KIAA1217: variants seen among roughly 807,000 people sequenced by gnomAD.
KIAA1217 encodes KIAA1217.
A neutral mutation model predicts 163.9 loss-of-function variants in KIAA1217; 88 were observed. That is an observed-to-expected ratio of 0.54 (90% CI 0.45 to 0.64). The LOEUF (loss-of-function observed/expected upper bound fraction) is 0.64, where lower values mean the gene tolerates loss of function less well. Among genes scored for constraint, KIAA1217 ranks in the 30% least tolerant of loss-of-function variants. The pLI is 0.00. For synonymous variants in KIAA1217, 903 were observed against 923.1 expected (o/e 0.98, Z 0.39); for missense variants, 2,372 against 2,475.0 (o/e 0.96, Z 0.88).
intron 2 of KIAA1217, among the ~76,000 whole-genome samples, chr10:24,308,299 G>A (rs940170322): frequency 3.3e-5 from 5 of 152,176 alleles, no homozygotes; most frequent in Admixed American, 6.5e-5. Flanking sequence ...AGGATATACC[G>A]TTCCACATTC....
intron 2 of KIAA1217, among the ~76,000 whole-genome samples, chr10:24,313,530 T>C (rs1456444050): frequency 6.6e-6 from 1 of 152,240 alleles, no homozygotes; most frequent in South Asian, 2.1e-4. Context: ...CTGCCCGGGG[T>C]TAGCGCCAGA....
intron 2 of KIAA1217, among the ~76,000 whole-genome samples, chr10:24,258,728 C>G (rs1164957701): frequency 3.3e-5 from 5 of 151,980 alleles, no homozygotes; most frequent in Admixed American, 2.6e-4. Flanking sequence ...AAGTAGCTGG[C>G]ACTACAGGCG....
At chr10:24,477,267 TGGTTTC>T (rs2064148059) in intron 6 of KIAA1217, among the ~76,000 whole-genome samples, 1 of 152,212 alleles carries the variant, frequency 6.6e-6, no homozygotes, top group Non-Finnish European at 1.5e-5. Context: ...CTATGTGAAG[TGGTTTC>T]TATACATTAT....
At chr10:24,156,810 A>G (rs1281823814) in intron 2 of KIAA1217, among the ~76,000 whole-genome samples, 2 of 152,158 alleles carry the variant, frequency 1.3e-5, no homozygotes, top group South Asian at 2.1e-4. Context: ...TGCAGAAACC[A>G]CATAAAGGCT....
intron 8 of KIAA1217, among the ~76,000 whole-genome samples, chr10:24,498,051 A>G (rs2067037838): frequency 6.6e-6 from 1 of 152,114 alleles, no homozygotes; most frequent in Admixed American, 6.6e-5. Context: ...GAAATAATGA[A>G]TTTGACTTGT....
chr10:24,075,119 T>TACACACACACACACAC (rs71397929), intron 2 of KIAA1217, among the ~76,000 whole-genome samples: 8 of 131,562 alleles, frequency 6.1e-5, no homozygotes, highest in African/African-American at 1.9e-4. Flanking sequence ...TCCCCCTAAA[T>TACACACACACACACAC]ACACACACAC....
At chr10:24,446,207 C>A (rs1398547258) in intron 5 of KIAA1217, among the ~76,000 whole-genome samples, 1 of 152,080 alleles carries the variant, frequency 6.6e-6, no homozygotes, top group Non-Finnish European at 1.5e-5. Context: ...TCATATCCTT[C>A]ACCCACTTGT....
At chr10:23,943,164 G>A (rs1346435074) in intron 1 of KIAA1217, among the ~76,000 whole-genome samples, 1 of 151,944 alleles carries the variant, frequency 6.6e-6, no homozygotes, top group African/African-American at 2.4e-5. Context: ...TTTTATACAT[G>A]TGGAAATATA....
intron 3 of KIAA1217, among the ~76,000 whole-genome samples, chr10:24,397,106 C>CTGT (rs1200787890): frequency 7.2e-6 from 1 of 138,210 alleles, no homozygotes; most frequent in African/African-American, 2.7e-5. Flanking sequence ...ATGTAAGAAA[C>CTGT]TCTTTTTTTT....
intron 2 of KIAA1217, among the ~76,000 whole-genome samples, chr10:24,085,451 C>A (rs1247449919): frequency 6.6e-6 from 1 of 152,100 alleles, no homozygotes; most frequent in East Asian, 1.9e-4. Context: ...ATTTGTCTTG[C>A]CTTCTGGTCT....
chr10:23,697,573 A>T (rs752615118), intron 1 of KIAA1217, among the ~76,000 whole-genome samples: 2 of 152,084 alleles, frequency 1.3e-5, no homozygotes, highest in Non-Finnish European at 2.9e-5. Flanking sequence ...ATAGTTTTTT[A>T]AAAGTGCACA....
At chr10:24,256,191 T>C (rs2075142092) in intron 2 of KIAA1217, among the ~76,000 whole-genome samples, 1 of 151,978 alleles carries the variant, frequency 6.6e-6, no homozygotes, top group African/African-American at 2.4e-5. Flanking sequence ...GCAGATGAGG[T>C]CTGGCATGTC....
At chr10:24,475,456 G>A (rs867211857) in intron 6 of KIAA1217, among the ~76,000 whole-genome samples, 3 of 152,148 alleles carry the variant, frequency 2.0e-5, no homozygotes, top group Admixed American at 6.5e-5. Flanking sequence ...CTTCTTACTT[G>A]TTCAGTTACA....
intron 6 of KIAA1217, among the ~76,000 whole-genome samples, chr10:24,486,985 G>A (rs2065482720): frequency 6.6e-6 from 1 of 152,142 alleles, no homozygotes; most frequent in Non-Finnish European, 1.5e-5. Flanking sequence ...CTGAAAGAAA[G>A]GTCACCGCTG....
intron 1 of KIAA1217, among the ~76,000 whole-genome samples, chr10:23,840,421 T>C (rs556210952): frequency 2.0e-5 from 3 of 152,190 alleles, no homozygotes; most frequent in East Asian, 3.9e-4. Flanking sequence ...TCCTAAAGTG[T>C]TGGGATTACA....
chr10:23,827,144 C>T (rs1307674455), intron 1 of KIAA1217, among the ~76,000 whole-genome samples: 2 of 152,164 alleles, frequency 1.3e-5, no homozygotes, highest in South Asian at 2.1e-4. Flanking sequence ...GACTACACAT[C>T]GGAATCACCT....
At chr10:24,121,917 G>T (rs1589578019) in intron 2 of KIAA1217, among the ~76,000 whole-genome samples, 1 of 152,074 alleles carries the variant, frequency 6.6e-6, no homozygotes, top group Non-Finnish European at 1.5e-5. Flanking sequence ...AACGGGTATG[G>T]GGGTGGGTGT....
chr10:24,260,255 G>A (rs1460640597), intron 2 of KIAA1217, among the ~76,000 whole-genome samples: 2 of 152,116 alleles, frequency 1.3e-5, no homozygotes, highest in Non-Finnish European at 2.9e-5. Flanking sequence ...CCGGGAATGA[G>A]TGGCTCTGCT....
rs190966077 is a variant in KIAA1217 at position 24,234,160 on chromosome 10, G to A, written c.354+14251G>A. 7.2e-5 allele frequency among the ~76,000 whole-genome samples: 11 copies of A among 151,868 alleles called. No homozygotes were observed. In the East Asian group the frequency reaches 2.1e-3, roughly 29 times the overall value. On this transcript the variant is annotated intron_variant, in intron 2 of 20. Coordinates refer to ENST00000376454, the MANE Select transcript of KIAA1217 (RefSeq NM_019590.5). ...AATGTTCCCAAATCTGAAACTTTTT[G>A]AGCACCAACATGATGCTCAAAGGTC...
Sources: gnomAD v4.1 joint callset for allele counts (sites outside exome capture counted in the v4.1 genomes callset) on GRCh38, gnomAD v4.1.1 for gene constraint, MANE v1.5 for transcripts, NCBI Gene and HGNC (gene_info 2026-07-23, HGNC 2026-07-21) for gene names.